The following MROH2A variants were observed in gnomAD, a reference collection of about 807,000 sequenced individuals.
MROH2A encodes maestro heat-like repeat-containing protein family member 2A.
A neutral mutation model predicts 200.4 loss-of-function variants in MROH2A; 174 were observed. The ratio of observed to expected loss-of-function variants is 0.87; its 90% CI spans 0.77 to 0.98. MROH2A has a LOEUF of 0.98. Among genes scored for constraint, MROH2A ranks in the 50% least tolerant of loss-of-function variants. The pLI, the probability that MROH2A is intolerant of heterozygous loss-of-function variation, is 0.00. For synonymous variants in MROH2A, 829 were observed against 840.4 expected (o/e 0.99, Z 0.23); for missense variants, 2,045 against 2,139.6 (o/e 0.96, Z 0.87).
chr2:233,832,758 G>A lies in MROH2A; in HGVS notation c.4903+114G>A, dbSNP rs573270895. ...AGGACCCTTTGCTGTGGGGTTTCGG[G>A]GGGGTGGGAGTGCAACCAGGGCAGA... On this transcript the variant is annotated intron_variant, in intron 41 of 41. Transcript: ENST00000389758. 38 of 654,856 alleles carry A rather than the reference G, an allele frequency of 5.8e-5. 2 individuals are homozygous for A. Among genetic ancestry groups the A allele is most frequent in the Middle Eastern group, 3.7e-4 (1 of 2,688 alleles). The allele number at this position is 654,856 out of a possible 1,614,324, so 40.6% of individuals were successfully genotyped here.
chr2:233,818,464 C>T lies in MROH2A; in HGVS notation c.3086-188C>T, dbSNP rs112204594. Among the ~76,000 whole-genome samples the T allele has an allele frequency of 2.7e-3, 408 of 152,070 alleles. 2 individuals are homozygous for T. The highest frequency in any genetic ancestry group is 9.4e-3 in the African/African-American group (390 of 41,496). Reference sequence around the variant, plus strand: ...AGGGAGAGCAGGCCTCTGAGCTGGGCGGAGAGGTGGTGCGGGCAGAGGCCG... The same window carrying T: ...AGGGAGAGCAGGCCTCTGAGCTGGGTGGAGAGGTGGTGCGGGCAGAGGCCG... On this transcript the variant is annotated intron_variant, in intron 28 of 41. Transcript: ENST00000389758.
chr2:233,797,835 T>C (rs1702216911), intron 11 of MROH2A, among the ~76,000 whole-genome samples: 1 of 152,184 alleles, frequency 6.6e-6, no homozygotes, highest in Non-Finnish European at 1.5e-5. Context: ...ACATGCACTG[T>C]TTGGTTTTCT....
At chr2:233,785,855 A>G in intron 3 of MROH2A, among the ~76,000 whole-genome samples, 1 of 152,128 alleles carries the variant, frequency 6.6e-6, no homozygotes. Context: ...ATGGAGTACT[A>G]TAGTATGGGT....
chr2:233,793,121 A>G (rs545232920), intron 6 of MROH2A, among the ~76,000 whole-genome samples: 12 of 152,330 alleles, frequency 7.9e-5, no homozygotes, highest in Admixed American at 5.9e-4. Flanking sequence ...CTTAGAGGGA[A>G]GAAGCTGCAA....
At position 233,802,177 on chromosome 2, in the gene MROH2A, G is replaced by A. The variant is rs1260915260; in HGVS notation, c.1570G>A (p.Val524Met). Reference sequence around the variant, plus strand: ...CCCACCCCTACCCCAGGAGTTTTGGGTGAGGCTGCTGTGCTACATCATGGA... The same window carrying A: ...CCCACCCCTACCCCAGGAGTTTTGGATGAGGCTGCTGTGCTACATCATGGA... ...SVSGMTTEFW[V>M]RLLCYIMETD... Residue 524 changes from valine to methionine, a missense_variant, in exon 15 of 42, where the codon GTG becomes ATG. Around this residue, in one of 3 missense-constraint regions of MROH2A, gnomAD observed 831 missense variants for 800.0 expected, o/e 1.04. Coordinates refer to ENST00000389758, the MANE Select transcript of MROH2A (RefSeq NM_001394639.1). The A allele has an allele frequency of 1.9e-6, 3 of 1,549,156 alleles. No homozygotes were observed. Among genetic ancestry groups the A allele is most frequent in the Admixed American group, 2.0e-5 (1 of 50,948 alleles).
intron 3 of MROH2A, among the ~76,000 whole-genome samples, chr2:233,784,509 A>G (rs1003453856): frequency 6.6e-6 from 1 of 152,194 alleles, no homozygotes; most frequent in Non-Finnish European, 1.5e-5. Context: ...ATGACGTTGA[A>G]ATGTGACCTC....
At chr2:233,782,948 C>CT (rs34775299) in intron 3 of MROH2A, among the ~76,000 whole-genome samples, 119,946 of 152,038 alleles carry the variant, frequency 0.79, 47,436 homozygotes, top group East Asian at 0.88. Flanking sequence ...TTATCAAATA[C>CT]TTTTTTTAGC....
intron 40 of MROH2A, 143 bp downstream of exon 40, chr2:233,832,422 T>C: frequency 4.2e-6 from 4 of 950,786 alleles, no homozygotes; most frequent in Admixed American, 2.1e-5. Context: ...TGCACTGTGC[T>C]TTCTATCCCG....
chr2:233,797,091 A>G (rs1575939036), intron 11 of MROH2A, among the ~76,000 whole-genome samples: 1 of 152,234 alleles, frequency 6.6e-6, no homozygotes, highest in African/African-American at 2.4e-5. Context: ...CAGCTCTACC[A>G]TTGCAGACCA....
intron 11 of MROH2A, among the ~76,000 whole-genome samples, chr2:233,797,957 A>G (rs1169218613): frequency 2.6e-5 from 4 of 152,226 alleles, no homozygotes; most frequent in African/African-American, 7.2e-5. Flanking sequence ...TTTTATAATC[A>G]GAAACAGTTT....
intron 5 of MROH2A, 41 bp from the exon 6 acceptor site, chr2:233,792,755 C>A: frequency 7.5e-7 from 1 of 1,325,714 alleles, no homozygotes; most frequent in Non-Finnish European, 1.1e-6. Context: ...CTGCTCACCC[C>A]CAGCCCCAAC....
Position 233,822,986 on chromosome 2 carries a change from G to A in MROH2A, c.3972G>A (p.Gly1324=). 2 of 1,550,442 alleles carry A rather than the reference G, an allele frequency of 1.3e-6. No homozygotes were observed. The highest frequency in any genetic ancestry group is 2.4e-5 in the East Asian group (1 of 40,926). The part of the protein sequence containing the change: ...QAVWDLLQDG[G]TFLEGVSLLA... ...TGTGGGACCTCCTGCAGGACGGCGG[G>A]ACATTCCTGGAGGGTGTGAGCCTGC... is the stretch of plus-strand genomic sequence containing the variant. Residue 1324 remains glycine (G), a synonymous_variant, in exon 34 of 42, where the codon GGG becomes GGA. Transcript: ENST00000389758.
At position 233,809,298 on chromosome 2, in the gene MROH2A, G is replaced by C. The variant is rs1385006858; in HGVS notation, c.2448+20G>C. On this transcript the variant is annotated intron_variant, in intron 22 of 41. Coordinates refer to ENST00000389758, the MANE Select transcript of MROH2A (RefSeq NM_001394639.1). ...TGCCAGGTAGCCCCATCTGCTGCCT[G>C]GGGGGATGTCTTCTGGACCAGGCTG... is the stretch of plus-strand genomic sequence containing the variant. 1 of 1,546,792 alleles carries C rather than the reference G, an allele frequency of 6.5e-7. No homozygotes were observed.
In MROH2A at chr2:233,797,271, C is replaced by T. The variant is rs73110878; in HGVS notation, c.1252+958C>T. On this transcript the variant is annotated intron_variant, in intron 11 of 41. Transcript: ENST00000389758. ...ATGATTTTGGGTGCTCAATTGGATA[C>T]GGACCAACATTTGCACTCAACAATC... is the stretch of plus-strand genomic sequence containing the variant. 7.2e-3 allele frequency among the ~76,000 whole-genome samples: 1,093 copies of T among 152,282 alleles called. 11 individuals carry two copies. Among genetic ancestry groups the T allele is most frequent in the African/African-American group, 0.025 (1,027 of 41,550 alleles).
rs539768172 is a variant in MROH2A at position 233,828,423 on chromosome 2, C to G, written c.4114-207C>G. 7 of 566,468 alleles carry G rather than the reference C, an allele frequency of 1.2e-5. No individual in the cohort carries two copies. The highest frequency in any genetic ancestry group is 2.2e-5 in the Non-Finnish European group (7 of 317,294). The allele number at this position is 566,468 out of a possible 1,614,324, so 35.1% of individuals were successfully genotyped here. A position where few individuals can be genotyped will look rare whatever the true frequency, so the allele number is the denominator to read the frequency against. ...ACGTAACACTTATCTAGCATTCCCC[C>G]CATATTTCCTTATTAAATCCCCACA... On this transcript the variant is annotated intron_variant, in intron 35 of 41. Coordinates refer to ENST00000389758, the MANE Select transcript of MROH2A (RefSeq NM_001394639.1). The surrounding 1 kb of genome is among the most constrained non-coding windows in gnomAD (Gnocchi z 4.6).
intron 3 of MROH2A, among the ~76,000 whole-genome samples, chr2:233,780,413 A>G (rs901619486): frequency 3.9e-5 from 6 of 152,198 alleles, no homozygotes; most frequent in Non-Finnish European, 8.8e-5. Flanking sequence ...AGCATTTCTA[A>G]CAAGTTCCCA....
At position 233,781,614 on chromosome 2, in the gene MROH2A, G is replaced by T. The variant is rs1022896471; in HGVS notation, c.276+1762G>T. 1.3e-5 allele frequency among the ~76,000 whole-genome samples: 2 copies of T among 152,028 alleles called. 1 individual carries two copies. The highest frequency in any genetic ancestry group is 2.9e-5 in the Non-Finnish European group (2 of 67,968). ...TGCTATTGAGTTGTTTGAGCTCCTT[G>T]TGTATTCTGGTTATTAATCCCTTGT... is the stretch of plus-strand genomic sequence containing the variant. On this transcript the variant is annotated intron_variant, in intron 3 of 41. Coordinates refer to ENST00000389758, the MANE Select transcript of MROH2A (RefSeq NM_001394639.1).
At position 233,790,054 on chromosome 2, in the gene MROH2A, T is replaced by C; in HGVS notation, c.571+40T>C. The C allele has an allele frequency of 2.0e-6, 3 of 1,497,248 alleles. No individual in the cohort carries two copies. The African/African-American group carries it at 4.2e-5, about 21-fold the overall frequency. The allele number at this position is 1,497,248 out of a possible 1,614,324, so 92.7% of individuals were successfully genotyped here. ...GCCCTCAGCCGGGCCCAGTGTGCCC[T>C]TCTGGTCTCTGCCTCTCTCTGCCCC... is the stretch of plus-strand genomic sequence containing the variant. On this transcript the variant is annotated intron_variant, in intron 5 of 41. Transcript: ENST00000389758.
At chr2:233,805,166 G>T (rs2041651) in intron 19 of MROH2A, 55 bp downstream of exon 19, 1,068,467 of 1,240,952 alleles carry the variant, frequency 0.86, 460,762 homozygotes, top group Non-Finnish European at 0.87. Flanking sequence ...CCAGGGGTGA[G>T]GGAGTGGAGA....
Sources: gnomAD v4.1 joint callset for allele counts (sites outside exome capture counted in the v4.1 genomes callset) on GRCh38, gnomAD v4.1.1 for gene constraint, gnomAD v4.1.1 regional missense constraint, Gnocchi (gnomAD v3.1) non-coding constraint, MANE v1.5 for transcripts, NCBI Gene and HGNC (gene_info 2026-07-23, HGNC 2026-07-21) for gene names.